The following CCDC141 variants were observed in gnomAD, a reference collection of about 807,000 sequenced individuals.
The protein encoded by CCDC141 is coiled-coil domain containing 141.
CCDC141 carries 168 observed loss-of-function variants against 181.0 expected under a neutral mutation model. The ratio of observed to expected loss-of-function variants is 0.93; its 90% CI spans 0.82 to 1.05. CCDC141 has a LOEUF of 1.05. Ranked by LOEUF, CCDC141 falls within the 50% of genes least tolerant of loss-of-function variation. The probability of loss-of-function intolerance (pLI) is 0.00; values close to 1 mark genes in which losing one functional copy is unlikely to be tolerated. For missense variants in CCDC141, 1,902 were observed against 1,788.5 expected (o/e 1.06, Z -1.14); for synonymous variants, 666 against 642.3 (o/e 1.04, Z -0.56).
In CCDC141 at chr2:178,847,092, A is replaced by G. The variant is rs901426697; in HGVS notation, c.3358-1350T>C. Among the ~76,000 whole-genome samples, 6 of 152,334 alleles carry G rather than the reference A, an allele frequency of 3.9e-5. No individual in the cohort carries two copies. In the South Asian group the frequency reaches 1.0e-3, roughly 26 times the overall value. ...ACTCATAAAGATAATGCTGATGCCTATTTCTCTTGCCAGAGAGACCCTTTC... is the reference window on the plus strand; with the variant it reads ...ACTCATAAAGATAATGCTGATGCCTGTTTCTCTTGCCAGAGAGACCCTTTC... On this transcript the variant is annotated intron_variant, in intron 21 of 23. Coordinates refer to ENST00000443758, the MANE Select transcript of CCDC141 (RefSeq NM_173648.4).
At position 178,829,818 on chromosome 2, in the gene CCDC141, C is replaced by T. The variant is rs974100829; in HGVS notation, c.*4355G>A. On this transcript the variant is annotated 3_prime_UTR_variant, in exon 24 of 24. Coordinates refer to ENST00000443758, the MANE Select transcript of CCDC141 (RefSeq NM_173648.4). ...TTATTTCATGGCTGCACTTAAAATGCTGTGCATACAACAGGAGTTTCAAAA... is the reference window on the plus strand; with the variant it reads ...TTATTTCATGGCTGCACTTAAAATGTTGTGCATACAACAGGAGTTTCAAAA... The T allele has an allele frequency of 6.6e-6, 1 of 152,160 alleles. No homozygotes were observed. The highest frequency in any genetic ancestry group is 1.5e-5 in the Non-Finnish European group (1 of 68,034). The allele number at this position is 152,160 out of a possible 1,614,324, so 9.4% of individuals were successfully genotyped here.
At chr2:178,829,142 T>C (rs941355601), downstream of CCDC141, among the ~76,000 whole-genome samples, 2 of 152,242 alleles carry the variant, frequency 1.3e-5, no homozygotes, top group Non-Finnish European at 2.9e-5. Flanking sequence ...TCTATTTTTT[T>C]CATCTACTCC....
chr2:179,049,410 T>C (rs2154391650), intron 1 of CCDC141, among the ~76,000 whole-genome samples: 1 of 152,206 alleles, frequency 6.6e-6, no homozygotes, highest in South Asian at 2.1e-4. Flanking sequence ...CCCCTGTCTG[T>C]CGGGACCTGC....
intron 8 of CCDC141, among the ~76,000 whole-genome samples, chr2:178,900,456 T>C (rs929898200): frequency 1.1e-4 from 17 of 152,184 alleles, no homozygotes; most frequent in Admixed American, 2.0e-4. Context: ...TCTCTGAATC[T>C]CAGTTTCCTG....
chr2:179,015,087 TA>T (rs1673586056), intron 2 of CCDC141, among the ~76,000 whole-genome samples: 1 of 46,310 alleles, frequency 2.2e-5, no homozygotes, highest in Non-Finnish European at 5.1e-5. Flanking sequence ...TATATATATA[TA>T]TATATATATA....
intron 2 of CCDC141, among the ~76,000 whole-genome samples, chr2:178,982,319 A>T (rs1409540808): frequency 6.6e-6 from 1 of 152,232 alleles, no homozygotes; most frequent in East Asian, 1.9e-4. Flanking sequence ...AGAAATGAAC[A>T]ATCTAAAAAG....
At chr2:178,980,456 A>C (rs529816414) in intron 2 of CCDC141, among the ~76,000 whole-genome samples, 3 of 152,312 alleles carry the variant, frequency 2.0e-5, no homozygotes, top group Admixed American at 2.0e-4. Flanking sequence ...TCTCAAAAAA[A>C]GAAAAAAAAA....
At chr2:178,867,106 CA>C (rs1685889188) in intron 16 of CCDC141, among the ~76,000 whole-genome samples, 1 of 152,232 alleles carries the variant, frequency 6.6e-6, no homozygotes, top group Non-Finnish European at 1.5e-5. Context: ...TGAAGTCCGA[CA>C]GTGGCATCAA....
At chr2:178,872,513 G>C (rs1686166591) in intron 12 of CCDC141, among the ~76,000 whole-genome samples, 1 of 152,108 alleles carries the variant, frequency 6.6e-6, no homozygotes, top group South Asian at 2.1e-4. Flanking sequence ...ATCCGGTCCC[G>C]AGTTCTTCAA....
chr2:178,888,726 T>A, intron 8 of CCDC141, 58 bp from the exon 9 acceptor site: 1 of 1,533,762 alleles, frequency 6.5e-7, no homozygotes, highest in Non-Finnish European at 8.8e-7. Flanking sequence ...CACAGAATAT[T>A]TGAAAACAGA....
chr2:179,044,169 A>G (rs1181680708), intron 2 of CCDC141, among the ~76,000 whole-genome samples: 1 of 152,308 alleles, frequency 6.6e-6, no homozygotes, highest in Admixed American at 6.5e-5. Context: ...ACACAAACAA[A>G]TGGAAGAACA....
chr2:178,861,894 T>C (rs1685636661), intron 17 of CCDC141, among the ~76,000 whole-genome samples: 1 of 152,218 alleles, frequency 6.6e-6, no homozygotes, highest in Admixed American at 6.5e-5. Context: ...AAAATAATTA[T>C]TGTCTGCACT....
At chr2:178,898,119 G>A (rs1261679918) in intron 8 of CCDC141, among the ~76,000 whole-genome samples, 1 of 152,186 alleles carries the variant, frequency 6.6e-6, no homozygotes. Flanking sequence ...GGGAGGTGGT[G>A]TCTTCAAGAG....
At chr2:179,020,490 T>C (rs1281198298) in intron 2 of CCDC141, among the ~76,000 whole-genome samples, 1 of 152,180 alleles carries the variant, frequency 6.6e-6, no homozygotes, top group Admixed American at 6.5e-5. Context: ...CAGGTGTATA[T>C]TTCTAGATAG....
chr2:178,855,254 G>A (rs1685332700), intron 19 of CCDC141, 93 bp downstream of exon 19: 1 of 983,106 alleles, frequency 1.0e-6, no homozygotes, highest in Non-Finnish European at 1.5e-6. Flanking sequence ...TGAATATAAT[G>A]AGAATAACAG....
intron 6 of CCDC141, among the ~76,000 whole-genome samples, chr2:178,923,716 T>C (rs750590132): frequency 6.6e-6 from 1 of 152,190 alleles, no homozygotes; most frequent in Non-Finnish European, 1.5e-5. Context: ...GCCCTGTGTG[T>C]TTCCAGGTTT....
chr2:179,003,350 G>A (rs909622410), intron 2 of CCDC141, among the ~76,000 whole-genome samples: 1 of 152,170 alleles, frequency 6.6e-6, no homozygotes, highest in East Asian at 1.9e-4. Flanking sequence ...TTAAGAACCA[G>A]ACCCTGGAGT....
chr2:178,851,893 G>A (rs1305108901), intron 20 of CCDC141, among the ~76,000 whole-genome samples: 1 of 152,174 alleles, frequency 6.6e-6, no homozygotes, highest in East Asian at 1.9e-4. Flanking sequence ...AAAATTCTGA[G>A]TTCAGTAATG....
chr2:178,850,139 A>T lies in CCDC141; in HGVS notation c.3267T>A (p.Tyr1089Ter), dbSNP rs1438214522. 6.2e-7 allele frequency: 1 copy of T among 1,606,692 alleles called. No individual in the cohort carries two copies. Among genetic ancestry groups the T allele is most frequent in the Non-Finnish European group, 8.5e-7 (1 of 1,174,810 alleles). ...HLYGLEEGQK[Y>*]IEKIVTKHKE... ...TGTGTTTTGTCACTATTTTCTCAAT[A>T]TATTTCTGTCCTTCTTCCAAACCTG... The change falls in exon 21 of 24, where the codon TAT becomes TAA. Residue 1089 changes from tyrosine to a stop codon, truncating the protein, a stop_gained. Coordinates refer to ENST00000443758, the MANE Select transcript of CCDC141 (RefSeq NM_173648.4). LOFTEE classifies it high-confidence loss of function.
Sources: gnomAD v4.1 joint callset for allele counts (sites outside exome capture counted in the v4.1 genomes callset) on GRCh38, gnomAD v4.1.1 for gene constraint, MANE v1.5 for transcripts, NCBI Gene and HGNC (gene_info 2026-07-23, HGNC 2026-07-21) for gene names.